The following SAMD11 variants were observed in gnomAD, a reference collection of about 807,000 sequenced individuals.
SAMD11 encodes the protein sterile alpha motif domain-containing protein 11.
Under a neutral mutation model 64.4 loss-of-function variants are expected in SAMD11, and 77 were observed. That is an observed-to-expected ratio of 1.20 (90% confidence interval 0.99 to 1.44). The LOEUF (loss-of-function observed/expected upper bound fraction) is 1.44. Ranked by LOEUF, SAMD11 falls within the 40% of genes most tolerant of loss-of-function variation. The pLI is 0.00. For synonymous variants in SAMD11, 658 were observed against 421.9 expected (o/e 1.56, Z -6.86); for missense variants, 1,402 against 943.3 (o/e 1.49, Z -6.37).
At chr1:938,656 CCTCA>C (rs1443064329) in intron 5 of SAMD11, among the ~76,000 whole-genome samples, 1 of 152,182 alleles carries the variant, frequency 6.6e-6, no homozygotes. Context: ...CACAGCCCGC[CCTCA>C]CTCCTGTCCA....
rs1218973907 is a variant in SAMD11 at position 942,820 on chromosome 1, G to A, written c.1815G>A (p.Ala605=). ...AGGGGGGTCCCGGCCCTGCCTCAGC[G>A]CGGCCCAGCGAGTCCAAGGAGATGA... ...PRKGGPGPAS[A]RPSESKEMTG... Residue 605 remains alanine, a synonymous_variant, in exon 11 of 14, where the codon GCG becomes GCA. Transcript: ENST00000616016. 1 of 1,548,388 alleles carries A rather than the reference G, an allele frequency of 6.5e-7. No individual in the cohort carries two copies. Among genetic ancestry groups the A allele is most frequent in the South Asian group, 1.2e-5 (1 of 83,930 alleles).
At chr1:931,150 C>G in intron 4 of SAMD11, 61 bp downstream of exon 4, 1 of 1,487,282 alleles carries the variant, frequency 6.7e-7, no homozygotes, top group Non-Finnish European at 9.3e-7. Flanking sequence ...CCCTCCCACC[C>G]CTGACCGTGC....
In SAMD11 at chr1:942,610, C is replaced by G. The variant is rs1424337676; in HGVS notation, c.1605C>G (p.Arg535=). The part of the protein sequence containing the change: ...LLRQKELESA[R]PQLLAPETAL... ...GGCAGAAGGAGCTGGAGAGCGCGCG[C>G]CCACAGCTGCTGGCGCCCGAGACCG... Residue 535 remains arginine (R), a synonymous_variant, in exon 11 of 14, where the codon CGC becomes CGG. Coordinates refer to ENST00000616016, the MANE Select transcript of SAMD11 (RefSeq NM_001385641.1). 2 of 1,437,150 alleles carry G rather than the reference C, an allele frequency of 1.4e-6. No homozygotes were observed. The highest frequency in any genetic ancestry group is 2.9e-5 in the Admixed American group (1 of 34,936). The allele number at this position is 1,437,150 out of a possible 1,614,324, so 89.0% of individuals were successfully genotyped here.
chr1:931,151 C>A (rs1200479943), intron 4 of SAMD11, 62 bp downstream of exon 4: 1 of 987,254 alleles, frequency 1.0e-6, no homozygotes, highest in Non-Finnish European at 1.5e-6. Flanking sequence ...CCTCCCACCC[C>A]TGACCGTGCC....
Position 944,506 on chromosome 1 carries a change from A to ACCAGCCCAGC in SAMD11, c.*364_*373dup, listed in dbSNP as rs534332180. The stretch of plus-strand genomic sequence containing the variant: ...ACAGCTGTGGGGCTTCAGCAGCCAC[A>ACCAGCCCAGC]CCAGCCCAGCCCAGCCCAGCTCTCG... On this transcript the variant is annotated 3_prime_UTR_variant, in exon 14 of 14. Coordinates refer to ENST00000616016, the MANE Select transcript of SAMD11 (RefSeq NM_001385641.1). 3.3e-5 allele frequency: 21 copies of ACCAGCCCAGC among 636,328 alleles called. No individual in the cohort carries two copies. Among genetic ancestry groups the ACCAGCCCAGC allele is most frequent in the African/African-American group, 2.6e-4 (14 of 53,308 alleles). 39.4% of individuals were successfully genotyped at this position (636,328 alleles called of 1,614,324 possible).
In SAMD11 at chr1:944,413, G is replaced by C; in HGVS notation, c.*260G>C. ...CCAGGGGCCTGCAGGCCTCCCCCTG[G>C]AACTGGGACTGGTCTCGGTCTGCTG... On this transcript the variant is annotated 3_prime_UTR_variant, in exon 14 of 14. Coordinates refer to ENST00000616016, the MANE Select transcript of SAMD11 (RefSeq NM_001385641.1). The C allele has an allele frequency of 8.9e-7, 1 of 1,127,332 alleles. No homozygotes were observed. The highest frequency in any genetic ancestry group is 2.2e-5 in the South Asian group (1 of 44,850). The allele number at this position is 1,127,332 out of a possible 1,614,324, so 69.8% of individuals were successfully genotyped here.
At chr1:933,558 C>A (rs563182205) in intron 4 of SAMD11, among the ~76,000 whole-genome samples, 1 of 152,302 alleles carries the variant, frequency 6.6e-6, no homozygotes, top group South Asian at 2.1e-4. Context: ...AGGGGGGACC[C>A]CTGGGGAGAA....
chr1:943,604 T>A, intron 12 of SAMD11, 94 bp from the exon 13 acceptor site: 1 of 1,345,510 alleles, frequency 7.4e-7, no homozygotes, highest in Non-Finnish European at 9.8e-7. Context: ...TTTAAAAAAT[T>A]TCCGTGAGCT....
chr1:935,249 G>A (rs1426711042), intron 4 of SAMD11, among the ~76,000 whole-genome samples: 3 of 152,168 alleles, frequency 2.0e-5, no homozygotes, highest in Non-Finnish European at 4.4e-5. Flanking sequence ...CGAGCTGCAC[G>A]TGTCTGCCGG....
intron 4 of SAMD11, 115 bp downstream of exon 4, chr1:931,204 G>A: frequency 1.0e-6 from 1 of 981,342 alleles, no homozygotes; most frequent in Non-Finnish European, 1.6e-6. Context: ...CTGATGCTGT[G>A]ATGCTGGCTG....
chr1:935,386 C>T (rs77579483), intron 4 of SAMD11, among the ~76,000 whole-genome samples: 7,393 of 152,200 alleles, frequency 0.049, 421 homozygotes, highest in East Asian at 0.28. Flanking sequence ...TGGGGCCTGT[C>T]CTGCAGGACT....
At chr1:932,172 T>C (rs79738099) in intron 4 of SAMD11, among the ~76,000 whole-genome samples, 2 of 152,372 alleles carry the variant, frequency 1.3e-5, no homozygotes, top group East Asian at 1.9e-4. Flanking sequence ...TGAACTGTCA[T>C]GAACACTGAT....
intron 12 of SAMD11, 149 bp downstream of exon 12, chr1:943,526 C>A: frequency 1.8e-6 from 1 of 549,568 alleles, no homozygotes; most frequent in Non-Finnish European, 2.8e-6. Flanking sequence ...TGCACCCCAC[C>A]TTTTTTTTTT....
Position 943,707 on chromosome 1 carries a change from G to A in SAMD11, c.2188G>A (p.Glu730Lys), listed in dbSNP as rs764513253. 9.5e-6 allele frequency: 15 copies of A among 1,584,990 alleles called. No homozygotes were observed. Among genetic ancestry groups the A allele is most frequent in the Middle Eastern group, 2.2e-4 (1 of 4,540 alleles). The change falls in exon 13 of 14, where the codon GAG (glutamate) becomes AAG (lysine). Residue 730 changes from glutamate (E) to lysine (K), a missense_variant. Glu to Lys is a moderately conservative substitution (Grantham distance 56). Transcript: ENST00000616016. ...GCGEYTRVFR[E>K]QGIDGETLPL... Reference sequence around the variant, plus strand: ...TCCCTCCCCCTTCCAGGTCTTCAGGGAGCAGGGGATCGACGGGGAGACCCT... The same window carrying A: ...TCCCTCCCCCTTCCAGGTCTTCAGGAAGCAGGGGATCGACGGGGAGACCCT...
rs1235934471 is a variant in SAMD11 at position 942,425 on chromosome 1, C to T, written c.1490C>T (p.Pro497Leu). The T allele has an allele frequency of 2.0e-5, 30 of 1,485,388 alleles. No individual in the cohort carries two copies. The highest frequency in any genetic ancestry group is 2.7e-5 in the Non-Finnish European group (30 of 1,124,226). The allele number at this position is 1,485,388 out of a possible 1,614,324, so 92.0% of individuals were successfully genotyped here. ...LCQTPGYGFL[P>L]PAQAEMFAWQ... The stretch of plus-strand genomic sequence containing the variant: ...TCCCCACCAGGCTACGGCTTCCTGC[C>T]CCCCGCGCAGGCGGAGATGTTCGCC... The change falls in exon 10 of 14, where the codon CCC becomes CTC. Residue 497 changes from proline (P) to leucine (L), a missense_variant. Pro to Leu is a moderately conservative substitution (Grantham distance 98). Transcript: ENST00000616016.
chr1:932,534 G>A (rs966330350), intron 4 of SAMD11, among the ~76,000 whole-genome samples: 8 of 152,376 alleles, frequency 5.3e-5, no homozygotes, highest in African/African-American at 9.6e-5. Context: ...TGAAGCCTCC[G>A]CCTGTTGACC....
chr1:938,048 T>G (rs1268908407), intron 5 of SAMD11, among the ~76,000 whole-genome samples: 1 of 151,796 alleles, frequency 6.6e-6, no homozygotes, highest in Non-Finnish European at 1.5e-5. Context: ...AGAGCCCTCA[T>G]GAGGATGAGG....
chr1:940,735 A>G (rs1176578770), intron 7 of SAMD11, among the ~76,000 whole-genome samples: 1 of 152,082 alleles, frequency 6.6e-6, no homozygotes, highest in African/African-American at 2.4e-5. Context: ...CGCGTCTACT[A>G]TGGGGACCTC....
In SAMD11 at chr1:942,574, C is replaced by A; in HGVS notation, c.1569C>A (p.Ala523=). Residue 523 remains alanine (A), a synonymous_variant, in exon 11 of 14, where the codon GCC becomes GCA. Coordinates refer to ENST00000616016, the MANE Select transcript of SAMD11 (RefSeq NM_001385641.1). ...KQNLARLELP[A]DLLRQKELES... ...CCCGGCCCAGGCTGGAGCTGCCCGC[C>A]GACCTCCTGCGGCAGAAGGAGCTGG... 1.4e-6 allele frequency: 2 copies of A among 1,406,632 alleles called. No individual in the cohort carries two copies. Among genetic ancestry groups the A allele is most frequent in the South Asian group, 1.5e-5 (1 of 65,764 alleles). 87.1% of individuals were successfully genotyped at this position (1,406,632 alleles called of 1,614,324 possible). A position where few individuals can be genotyped will look rare whatever the true frequency, so the allele number is the denominator to read the frequency against.
Sources: gnomAD v4.1 joint callset for allele counts (sites outside exome capture counted in the v4.1 genomes callset) on GRCh38, gnomAD v4.1.1 for gene constraint, MANE v1.5 for transcripts, NCBI Gene and HGNC (gene_info 2026-07-23, HGNC 2026-07-21) for gene names.